The following DOCK9 variants were observed in gnomAD, a reference collection of about 807,000 sequenced individuals.
DOCK9 encodes dedicator of cytokinesis protein 9.
DOCK9 carries 89 observed loss-of-function variants against 263.3 expected under a neutral mutation model. The observed-to-expected ratio is 0.34, with a 90% CI of 0.28 to 0.40. The LOEUF (loss-of-function observed/expected upper bound fraction) is 0.40. Ranked by LOEUF, DOCK9 falls within the 10% of genes least tolerant of loss-of-function variation. The pLI, the probability that DOCK9 is intolerant of heterozygous loss-of-function variation, is 1.00. For synonymous variants in DOCK9, 976 were observed against 973.1 expected, an observed-to-expected ratio of 1.00 and a Z score of -0.06; for missense variants, 2,140 against 2,603.4, an observed-to-expected ratio of 0.82 and a Z score of 3.87.
At chr13:98,980,384 C>T (rs1045166163), upstream of DOCK9, among the ~76,000 whole-genome samples, 1 of 152,174 alleles carries the variant, frequency 6.6e-6, no homozygotes, top group Non-Finnish European at 1.5e-5. Flanking sequence ...AAACTGATGC[C>T]CAGAGACGTT....
chr13:98,955,678 CA>C, intron 1 of DOCK9, 127 bp from the exon 2 acceptor site: 1 of 636,016 alleles, frequency 1.6e-6, no homozygotes. Flanking sequence ...TTTGGTATCA[CA>C]AAGAAACAGA....
intron 52 of DOCK9, chr13:98,796,226 G>T: frequency 6.3e-7 from 1 of 1,585,260 alleles, no homozygotes; most frequent in East Asian, 2.3e-5. Context: ...GAACGTGTTA[G>T]CATGGAGGAG....
At chr13:98,797,278 C>G in intron 51 of DOCK9, 25 bp from the exon 52 acceptor site, 1 of 1,612,984 alleles carries the variant, frequency 6.2e-7, no homozygotes, top group South Asian at 1.1e-5. Context: ...GCGGGAGAAA[C>G]AAAGGCACGC....
chr13:98,900,631 T>G (rs1386732317), intron 13 of DOCK9, among the ~76,000 whole-genome samples: 1 of 152,194 alleles, frequency 6.6e-6, no homozygotes, highest in African/African-American at 2.4e-5. Flanking sequence ...CAGCACTGAC[T>G]CATACATGAT....
chr13:98,883,906 A>C lies in DOCK9; in HGVS notation c.2383-7T>G. On this transcript the variant is annotated splice_polypyrimidine_tract_variant and splice_region_variant and intron_variant, in intron 21 of 52. Coordinates refer to ENST00000682017, the MANE Select transcript of DOCK9 (RefSeq NM_001366683.2). Reference sequence around the variant, plus strand: ...TAATTTCCGGACCATAATGCTAAAAAAAATATGGAAGAAACAATATCCCTA... The same window carrying C: ...TAATTTCCGGACCATAATGCTAAAACAAATATGGAAGAAACAATATCCCTA... The C allele has an allele frequency of 6.3e-7, 1 of 1,595,940 alleles. No homozygotes were observed. The highest frequency in any genetic ancestry group is 8.6e-7 in the Non-Finnish European group (1 of 1,169,036).
At position 99,038,287 on chromosome 13, in the gene DOCK9, CCTTTTTTT is replaced by C. The variant is rs1249995560; in HGVS notation, c.129+47928_129+47935del. On this transcript the variant is annotated intron_variant, in intron 1 of 32. Coordinates refer to the DOCK9 transcript ENST00000427887. The stretch of plus-strand genomic sequence containing the variant: ...AGCTGAAAAACTGGCTTTATGCCCC[CCTTTTTTT>C]TTTTTTTTTTTTTTTTTTTTTTTTT... Among the ~76,000 whole-genome samples, 102 of 48,834 alleles carry C rather than the reference CCTTTTTTT, an allele frequency of 2.1e-3. 1 individual carries two copies. The highest frequency in any genetic ancestry group is 7.6e-3 in the African/African-American group (100 of 13,244). The allele number at this position is 48,834 out of a possible 152,430, so 32.0% of individuals were successfully genotyped here.
intron 7 of DOCK9, among the ~76,000 whole-genome samples, chr13:98,919,130 G>T (rs1299994180): frequency 6.9e-6 from 1 of 143,964 alleles, no homozygotes; most frequent in East Asian, 2.0e-4. Flanking sequence ...TTTTTTTTGA[G>T]ATGGAGTCTC....
intron 1 of DOCK9, among the ~76,000 whole-genome samples, chr13:99,033,546 T>C (rs1887568449): frequency 6.6e-6 from 1 of 152,132 alleles, no homozygotes; most frequent in South Asian, 2.1e-4. Flanking sequence ...TGTCAGCGAG[T>C]GCAGTTTCAA....
chr13:98,796,795 T>G (rs180866524), intron 52 of DOCK9, among the ~76,000 whole-genome samples: 177 of 152,304 alleles, frequency 1.2e-3, no homozygotes, highest in Non-Finnish European at 1.9e-3. Flanking sequence ...AGTATGGATA[T>G]TTTCGTGTGA....
At chr13:99,034,968 C>T (rs1887713401) in intron 1 of DOCK9, among the ~76,000 whole-genome samples, 1 of 152,104 alleles carries the variant, frequency 6.6e-6, no homozygotes, top group Admixed American at 6.5e-5. Context: ...CCCAATCTGT[C>T]ATATTCTAAC....
chr13:98,882,131 G>A, intron 23 of DOCK9, 124 bp from the exon 24 acceptor site: 1 of 786,270 alleles, frequency 1.3e-6, no homozygotes, highest in South Asian at 1.7e-5. Flanking sequence ...GCTGTGGTGG[G>A]CAGAATGTCC....
At chr13:98,818,663 G>A (rs1360543141) in intron 45 of DOCK9, among the ~76,000 whole-genome samples, 1 of 151,310 alleles carries the variant, frequency 6.6e-6, no homozygotes, top group East Asian at 1.9e-4. Context: ...TTTAAGTCTA[G>A]GCTAATATTT....
intron 45 of DOCK9, among the ~76,000 whole-genome samples, chr13:98,812,795 T>TGTGTAC (rs1250863351): frequency 3.4e-3 from 513 of 152,284 alleles, no homozygotes; most frequent in African/African-American, 0.012. Flanking sequence ...TCATGTGTAC[T>TGTGTAC]ATGAAAGTTT....
chr13:99,013,216 G>A (rs1379153807), intron 1 of DOCK9, among the ~76,000 whole-genome samples: 1 of 152,048 alleles, frequency 6.6e-6, no homozygotes, highest in Non-Finnish European at 1.5e-5. Context: ...TGACCCTCCC[G>A]CTTCAGCCTC....
intron 1 of DOCK9, among the ~76,000 whole-genome samples, chr13:99,082,388 G>T (rs1387937152): frequency 2.0e-5 from 3 of 151,614 alleles, no homozygotes; most frequent in Non-Finnish European, 1.5e-5. Flanking sequence ...GTGTGGTGGT[G>T]GGCGCCTATA....
At chr13:99,028,490 GAAGA>G (rs1205141773) in intron 1 of DOCK9, among the ~76,000 whole-genome samples, 4 of 152,108 alleles carry the variant, frequency 2.6e-5, no homozygotes, top group Non-Finnish European at 5.9e-5. Flanking sequence ...GGTAACAGGA[GAAGA>G]AAGATACAAA....
intron 1 of DOCK9, among the ~76,000 whole-genome samples, chr13:99,072,268 C>T (rs1217329079): frequency 1.3e-5 from 2 of 152,174 alleles, no homozygotes; most frequent in African/African-American, 2.4e-5. Flanking sequence ...GCGCTACGGT[C>T]CCTTCCATAA....
chr13:98,848,039 T>G (rs1375416242), intron 37 of DOCK9, among the ~76,000 whole-genome samples: 1 of 152,224 alleles, frequency 6.6e-6, no homozygotes, highest in Non-Finnish European at 1.5e-5. Context: ...GCCAAGAACA[T>G]GGAGCGTTTA....
intron 1 of DOCK9, among the ~76,000 whole-genome samples, chr13:98,956,077 A>G (rs934790996): frequency 6.6e-6 from 1 of 152,228 alleles, no homozygotes; most frequent in African/African-American, 2.4e-5. Context: ...TAATACCTAA[A>G]GGTAGAAAGA....
Sources: gnomAD v4.1 joint callset for allele counts (sites outside exome capture counted in the v4.1 genomes callset) on GRCh38, gnomAD v4.1.1 for gene constraint, MANE v1.5 for transcripts, NCBI Gene and HGNC (gene_info 2026-07-23, HGNC 2026-07-21) for gene names.